Variants in CAP2 observed in about 807,000 individuals in gnomAD.
CAP2 encodes cyclase associated actin cytoskeleton regulatory protein 2, also known as adenylyl cyclase-associated protein 2.
In CAP2, 24 loss-of-function variants were observed where a neutral mutation model predicts 57.7. The observed-to-expected ratio is 0.42, with a 90% CI of 0.30 to 0.58. CAP2 has a LOEUF of 0.58. Among genes scored for constraint, CAP2 ranks in the 20% least tolerant of loss-of-function variants. The pLI, the probability that CAP2 is intolerant of heterozygous loss-of-function variation, is 0.22. For missense variants in CAP2, 501 were observed against 590.3 expected (o/e 0.85, Z 1.57); for synonymous variants, 194 against 207.2 (o/e 0.94, Z 0.55).
chr6:17,521,689 C>A (rs1267175052), intron 7 of CAP2, among the ~76,000 whole-genome samples: 1 of 152,152 alleles, frequency 6.6e-6, no homozygotes, highest in African/African-American at 2.4e-5. Flanking sequence ...ACAGGGGGAG[C>A]AGTGTGCTAG....
intron 4 of CAP2, among the ~76,000 whole-genome samples, chr6:17,498,835 TCTCCTGCCTCAGC>T (rs1761730617): frequency 6.6e-6 from 1 of 152,044 alleles, no homozygotes; most frequent in Non-Finnish European, 1.5e-5. Context: ...TTCACGCCAT[TCTCCTGCCTCAGC>T]CTCCTGATTA....
intron 7 of CAP2, chr6:17,536,418 T>G (rs1260714289): frequency 2.5e-6 from 1 of 405,390 alleles, no homozygotes; most frequent in Non-Finnish European, 4.9e-6. Context: ...GGGGCCGATA[T>G]GGGAATAAGC....
At chr6:17,416,835 A>ATGGT (rs1268482449) in intron 1 of CAP2, among the ~76,000 whole-genome samples, 1 of 152,208 alleles carries the variant, frequency 6.6e-6, no homozygotes, top group Non-Finnish European at 1.5e-5. Flanking sequence ...GCTCATGCCT[A>ATGGT]TAATCCCTTT....
At chr6:17,516,787 T>C (rs1762281839) in intron 7 of CAP2, among the ~76,000 whole-genome samples, 1 of 152,228 alleles carries the variant, frequency 6.6e-6, no homozygotes, top group South Asian at 2.1e-4. Context: ...TTGTGGTTTT[T>C]CAAGAGAGTG....
At chr6:17,464,197 C>T (rs1372334314) in intron 4 of CAP2, among the ~76,000 whole-genome samples, 1 of 152,126 alleles carries the variant, frequency 6.6e-6, no homozygotes, top group Non-Finnish European at 1.5e-5. Flanking sequence ...AAAGTAGTGG[C>T]ACTACCAGCA....
At position 17,427,315 on chromosome 6, in the gene CAP2, C is replaced by G. The variant is rs6925248; in HGVS notation, c.222+625C>G. On this transcript the variant is annotated intron_variant, in intron 3 of 12. Coordinates refer to ENST00000229922, the MANE Select transcript of CAP2 (RefSeq NM_006366.3). Reference sequence around the variant, plus strand: ...TAGTCACAGTGAGGGACTCGGCTCTCCTTCCCACTGTGATGGGAAGCCACC... The same window carrying G: ...TAGTCACAGTGAGGGACTCGGCTCTGCTTCCCACTGTGATGGGAAGCCACC... 1.5e-3 allele frequency among the ~76,000 whole-genome samples: 225 copies of G among 152,234 alleles called. 1 individual carries two copies. Among genetic ancestry groups the G allele is most frequent in the Non-Finnish European group, 2.7e-3 (182 of 68,026 alleles).
chr6:17,516,096 T>G lies in CAP2; in HGVS notation c.636+2142T>G, dbSNP rs555232893. ...CCCTACCTCTTCTGCAAGACTCACC[T>G]CACACATCACCTCTTTAAGAAACTT... On this transcript the variant is annotated intron_variant, in intron 7 of 12. Coordinates refer to ENST00000229922, the MANE Select transcript of CAP2 (RefSeq NM_006366.3). Among the ~76,000 whole-genome samples, 45 of 152,338 alleles carry G rather than the reference T, an allele frequency of 3.0e-4. No homozygotes were observed. In the East Asian group the frequency reaches 8.7e-3, roughly 29 times the overall value.
intron 1 of CAP2, among the ~76,000 whole-genome samples, chr6:17,415,572 A>C (rs904182428): frequency 1.3e-5 from 2 of 152,248 alleles, no homozygotes; most frequent in African/African-American, 4.8e-5. Flanking sequence ...GTAGCTAATT[A>C]ATTAGTCAAT....
intron 4 of CAP2, among the ~76,000 whole-genome samples, chr6:17,486,912 A>C (rs4716145): frequency 0.041 from 6,238 of 152,274 alleles, 171 homozygotes; most frequent in Non-Finnish European, 0.059. Flanking sequence ...TTCCAGGCCC[A>C]GCCACTGCAG....
chr6:17,524,895 T>C (rs1254126070), intron 7 of CAP2, among the ~76,000 whole-genome samples: 18 of 4,574 alleles, frequency 3.9e-3, no homozygotes, highest in East Asian at 0.083. Flanking sequence ...TTTCTTTTCT[T>C]TTTTTTTTTT....
chr6:17,402,347 G>C (rs1344629852), intron 1 of CAP2, among the ~76,000 whole-genome samples: 6 of 152,138 alleles, frequency 3.9e-5, no homozygotes, highest in Admixed American at 1.3e-4. Flanking sequence ...AACTCTAGGG[G>C]ATGGGGAGGA....
At chr6:17,544,829 A>G (rs1031953778) in intron 11 of CAP2, among the ~76,000 whole-genome samples, 1 of 152,216 alleles carries the variant, frequency 6.6e-6, no homozygotes, top group Non-Finnish European at 1.5e-5. Flanking sequence ...TGCTGGGATT[A>G]CAGTCATGAG....
chr6:17,523,475 G>A (rs1318204600), intron 7 of CAP2, among the ~76,000 whole-genome samples: 2 of 152,194 alleles, frequency 1.3e-5, no homozygotes, highest in Non-Finnish European at 2.9e-5. Context: ...CCCGATGTAC[G>A]TGTTGGGAGT....
intron 11 of CAP2, among the ~76,000 whole-genome samples, chr6:17,550,394 CTTTTTTTT>C (rs10557884): frequency 0.011 from 584 of 52,026 alleles, 6 homozygotes; most frequent in African/African-American, 0.042. Context: ...CTACCCCTGC[CTTTTTTTT>C]TTTTTTTTTT....
intron 7 of CAP2, among the ~76,000 whole-genome samples, chr6:17,533,856 G>C (rs1430298652): frequency 6.6e-6 from 1 of 152,148 alleles, no homozygotes; most frequent in Admixed American, 6.5e-5. Context: ...GTGAGCCACT[G>C]CGCCCAGCCT....
chr6:17,463,073 G>A lies in CAP2; in HGVS notation c.300G>A (p.Glu100=), dbSNP rs778691556. ...CCTCTCAGTACCAACAACCCCACGA[G>A]GTAAGAGAGTGTCCTGAGAGGGAAG... is the stretch of plus-strand genomic sequence containing the variant. The part of the protein sequence containing the change: ...LMASQYQQPH[E]NDVAALLKPI... The change falls in exon 4 of 13, where the codon GAG becomes GAA. Residue 100 remains glutamate (E), a splice_region_variant and synonymous_variant. Transcript: ENST00000229922. 6.2e-7 allele frequency: 1 copy of A among 1,610,038 alleles called. No homozygotes were observed. The highest frequency in any genetic ancestry group is 8.5e-7 in the Non-Finnish European group (1 of 1,176,482).
intron 7 of CAP2, among the ~76,000 whole-genome samples, chr6:17,532,519 G>A (rs1033146514): frequency 3.8e-4 from 57 of 150,498 alleles, no homozygotes; most frequent in Non-Finnish European, 3.7e-4. Flanking sequence ...GCCGAGGTGG[G>A]TGAATCATTT....
intron 8 of CAP2, 87 bp from the exon 9 acceptor site, chr6:17,540,886 C>T (rs559482626): frequency 1.5e-6 from 2 of 1,315,712 alleles, no homozygotes; most frequent in African/African-American, 2.9e-5. Context: ...AGTTCTTGTG[C>T]TCTTTATTTA....
intron 4 of CAP2, among the ~76,000 whole-genome samples, chr6:17,492,723 CT>C (rs1292879478): frequency 6.6e-6 from 1 of 152,142 alleles, no homozygotes; most frequent in Non-Finnish European, 1.5e-5. Flanking sequence ...TCACATAAGC[CT>C]TTTTTACATT....
Sources: allele counts gnomAD v4.1 joint callset (sites outside exome capture counted in the v4.1 genomes callset), GRCh38; gene constraint gnomAD v4.1.1; transcripts MANE v1.5; gene names NCBI Gene and HGNC (gene_info 2026-07-23, HGNC 2026-07-21).